Variants in IGF1R observed in about 807,000 individuals in gnomAD.
The protein encoded by IGF1R is insulin-like growth factor 1 receptor.
IGF1R carries 44 observed loss-of-function variants against 144.6 expected under a neutral mutation model. The ratio of observed to expected loss-of-function variants is 0.30; its 90% CI spans 0.24 to 0.39. The LOEUF (loss-of-function observed/expected upper bound fraction) is 0.39, where lower values mean the gene tolerates loss of function less well. IGF1R is among the 10% of genes least tolerant of loss of function. The pLI is 1.00. For missense variants in IGF1R, 1,355 were observed against 1,833.7 expected, an observed-to-expected ratio of 0.74 and a Z score of 4.77; for synonymous variants, 795 against 722.8, an observed-to-expected ratio of 1.10 and a Z score of -1.60.
At chr15:98,667,897 T>C (rs890544922) in intron 1 of IGF1R, among the ~76,000 whole-genome samples, 1 of 151,728 alleles carries the variant, frequency 6.6e-6, no homozygotes, top group Non-Finnish European at 1.5e-5. Context: ...AGGCAGGAGG[T>C]GGTGTCAGAT....
intron 1 of IGF1R, among the ~76,000 whole-genome samples, chr15:98,665,186 T>C (rs542688086): frequency 1.6e-4 from 25 of 152,184 alleles, no homozygotes; most frequent in East Asian, 9.7e-4. Flanking sequence ...CTCCTGACCT[T>C]GTGATCCGCC....
At chr15:98,794,560 G>A (rs2056196390) in intron 2 of IGF1R, among the ~76,000 whole-genome samples, 1 of 152,158 alleles carries the variant, frequency 6.6e-6, no homozygotes, top group Non-Finnish European at 1.5e-5. Flanking sequence ...GAATTAATTA[G>A]TAAGCAAACT....
At chr15:98,918,738 G>C (rs1013316705) in intron 10 of IGF1R, among the ~76,000 whole-genome samples, 1 of 152,200 alleles carries the variant, frequency 6.6e-6, no homozygotes, top group Non-Finnish European at 1.5e-5. Flanking sequence ...AATTAGCCAA[G>C]CGTGGTGGTG....
chr15:98,727,051 C>T (rs2054379020), intron 2 of IGF1R, among the ~76,000 whole-genome samples: 2 of 152,092 alleles, frequency 1.3e-5, no homozygotes, highest in Admixed American at 6.5e-5. Flanking sequence ...TGGAACAAAA[C>T]TTTGATGCTG....
rs576128707 is a variant in IGF1R, at chr15:98,768,788, C to T, written c.640+60681C>T. On this transcript the variant is annotated intron_variant, in intron 2 of 20. Coordinates refer to ENST00000650285, the MANE Select transcript of IGF1R (RefSeq NM_000875.5). Reference sequence around the variant, plus strand: ...CAAAAAAAAAAAAAAAAAAGCCGGGCGCGGTGCCGGGCGCCTGTAGTCCCA... The same window carrying T: ...CAAAAAAAAAAAAAAAAAAGCCGGGTGCGGTGCCGGGCGCCTGTAGTCCCA... Among the ~76,000 whole-genome samples the T allele has an allele frequency of 1.6e-3, 211 of 129,116 alleles. 4 individuals are homozygous for T. Among genetic ancestry groups the T allele is most frequent in the African/African-American group, 5.9e-3 (197 of 33,322 alleles). 84.7% of individuals were successfully genotyped at this position (129,116 alleles called of 152,430 possible).
chr15:98,763,633 A>C (rs892234590), intron 2 of IGF1R, among the ~76,000 whole-genome samples: 6 of 152,266 alleles, frequency 3.9e-5, no homozygotes, highest in African/African-American at 1.4e-4. Context: ...TGGAAGCCTA[A>C]GGGTTTTGAT....
chr15:98,656,924 T>C (rs181873844), intron 1 of IGF1R, among the ~76,000 whole-genome samples: 18 of 152,378 alleles, frequency 1.2e-4, no homozygotes, highest in African/African-American at 4.1e-4. Flanking sequence ...TTTGGAATTA[T>C]TTGTCAGTTT....
chr15:98,943,029 C>G lies in IGF1R; in HGVS notation c.3564C>G (p.Val1188=), dbSNP rs1470270211. Residue 1188 remains valine (V), a synonymous_variant, in exon 19 of 21, where the codon GTC becomes GTG. Coordinates refer to ENST00000650285, the MANE Select transcript of IGF1R (RefSeq NM_000875.5). The part of the protein sequence containing the change: ...WMSPESLKDG[V]FTTYSDVWSF... The stretch of plus-strand genomic sequence containing the variant: ...CTCCTGAGTCCCTCAAGGATGGAGT[C>G]TTCACCACTTACTCGGACGTCTGGT... 6.2e-7 allele frequency: 1 copy of G among 1,614,236 alleles called. No individual in the cohort carries two copies. Among genetic ancestry groups the G allele is most frequent in the Admixed American group, 1.7e-5 (1 of 60,036 alleles).
At chr15:98,797,235 C>A (rs1484005666) in intron 2 of IGF1R, among the ~76,000 whole-genome samples, 1 of 152,234 alleles carries the variant, frequency 6.6e-6, no homozygotes, top group African/African-American at 2.4e-5. Flanking sequence ...GTAGGAAATG[C>A]ATCCAAAGCT....
chr15:98,743,095 T>A (rs150597450), intron 2 of IGF1R, among the ~76,000 whole-genome samples: 1 of 152,314 alleles, frequency 6.6e-6, no homozygotes, highest in East Asian at 1.9e-4. Flanking sequence ...TATTTTTTTC[T>A]TTTACTTCCT....
chr15:98,844,235 G>A lies in IGF1R; in HGVS notation c.641-47090G>A, dbSNP rs1166643922. On this transcript the variant is annotated intron_variant, in intron 2 of 20. Coordinates refer to ENST00000650285, the MANE Select transcript of IGF1R (RefSeq NM_000875.5). ...CTTACTGACAAAAAGAAAAGCAAAG[G>A]AAATTCCAGAGAAAGAACAGGATAC... 2.0e-5 allele frequency among the ~76,000 whole-genome samples: 3 copies of A among 152,120 alleles called. No homozygotes were observed. In the East Asian group the frequency reaches 5.8e-4, roughly 29 times the overall value.
chr15:98,895,735 C>T (rs1341243324), intron 3 of IGF1R, among the ~76,000 whole-genome samples: 2 of 152,122 alleles, frequency 1.3e-5, no homozygotes, highest in African/African-American at 2.4e-5. Context: ...GGGGAAGGGA[C>T]ATTAATAAAA....
At chr15:98,814,547 C>T (rs529610362) in intron 2 of IGF1R, among the ~76,000 whole-genome samples, 71 of 152,272 alleles carry the variant, frequency 4.7e-4, no homozygotes, top group African/African-American at 6.3e-4. Context: ...GGGGTCTCAC[C>T]GTGTTGCCGG....
At chr15:98,835,438 C>T (rs976405464) in intron 2 of IGF1R, among the ~76,000 whole-genome samples, 4 of 152,186 alleles carry the variant, frequency 2.6e-5, no homozygotes, top group Non-Finnish European at 4.4e-5. Context: ...TGACTTTAAT[C>T]GTGGCTTTAA....
chr15:98,757,792 A>T (rs1422804500), intron 2 of IGF1R, among the ~76,000 whole-genome samples: 2 of 152,106 alleles, frequency 1.3e-5, no homozygotes, highest in Non-Finnish European at 2.9e-5. Flanking sequence ...GTCTTTCTTT[A>T]CTGTGATAAT....
chr15:98,932,729 CG>C (rs767600138), intron 15 of IGF1R, among the ~76,000 whole-genome samples: 58 of 152,314 alleles, frequency 3.8e-4, no homozygotes, highest in Non-Finnish European at 8.1e-4. Flanking sequence ...GACAAGCACC[CG>C]CCTCTTCTTC....
In IGF1R at chr15:98,701,575, G is replaced by A. The variant is rs187149243; in HGVS notation, c.95-5987G>A. The stretch of plus-strand genomic sequence containing the variant: ...CAGGATGGTCTTGATCTTCTGACCC[G>A]TGATCCTACCGCCTCGGCCTCCCAC... On this transcript the variant is annotated intron_variant, in intron 1 of 20. Coordinates refer to ENST00000650285, the MANE Select transcript of IGF1R (RefSeq NM_000875.5). Among the ~76,000 whole-genome samples, 83 of 152,124 alleles carry A rather than the reference G, an allele frequency of 5.5e-4. 1 individual carries two copies. The East Asian group carries it at 0.013, about 24-fold the overall frequency.
At position 98,772,768 on chromosome 15, in the gene IGF1R, A is replaced by G. The variant is rs527938774; in HGVS notation, c.640+64661A>G. Among the ~76,000 whole-genome samples the G allele has an allele frequency of 2.4e-4, 37 of 151,578 alleles. 1 individual carries two copies. Among genetic ancestry groups the G allele is most frequent in the African/African-American group, 8.5e-4 (35 of 41,316 alleles). On this transcript the variant is annotated intron_variant, in intron 2 of 20. Transcript: ENST00000650285. Reference sequence around the variant, plus strand: ...TTTTTTTTTTCCTTGTTGGGGAGGAATCAATAACAGGAACACCAGTCATGA... The same window carrying G: ...TTTTTTTTTTCCTTGTTGGGGAGGAGTCAATAACAGGAACACCAGTCATGA...
Position 98,705,784 on chromosome 15 carries a change from A to C in IGF1R, c.95-1778A>C, listed in dbSNP as rs548617901. Among the ~76,000 whole-genome samples, 3 of 152,218 alleles carry C rather than the reference A, an allele frequency of 2.0e-5. No homozygotes were observed. The East Asian group carries it at 5.8e-4, about 29-fold the overall frequency. On this transcript the variant is annotated intron_variant, in intron 1 of 20. Coordinates refer to ENST00000650285, the MANE Select transcript of IGF1R (RefSeq NM_000875.5). ...CCAGATTAATCCTGCAAAAGGCCTC[A>C]CATGGGCTTCTCTCCCGCTCAGGAG...
Sources: allele counts gnomAD v4.1 joint callset (sites outside exome capture counted in the v4.1 genomes callset), GRCh38; gene constraint gnomAD v4.1.1; transcripts MANE v1.5; gene names NCBI Gene and HGNC (gene_info 2026-07-23, HGNC 2026-07-21).